Variants in MED1 observed in about 807,000 individuals in gnomAD.
MED1 encodes the protein mediator of RNA polymerase II transcription subunit 1.
MED1 carries 17 observed loss-of-function variants against 121.3 expected under a neutral mutation model. The ratio of observed to expected loss-of-function variants is 0.14; its 90% CI spans 0.10 to 0.21. MED1 has a LOEUF of 0.21. Ranked by LOEUF, MED1 falls within the 10% of genes least tolerant of loss-of-function variation. MED1 has a pLI of 1.00. For synonymous variants in MED1, 661 were observed against 694.4 expected (o/e 0.95, Z 0.76); for missense variants, 1,558 against 1,919.4 (o/e 0.81, Z 3.52).
rs1378111231 is a variant in MED1, at chr17:39,408,302, T to C, written c.3919A>G (p.Ile1307Val). 1 of 1,614,060 alleles carries C rather than the reference T, an allele frequency of 6.2e-7. No homozygotes were observed. Among genetic ancestry groups the C allele is most frequent in the Non-Finnish European group, 8.5e-7 (1 of 1,180,042 alleles). Residue 1307 changes from isoleucine (I) to valine (V), a missense_variant, in exon 17 of 17, where the codon ATA becomes GTA. Physicochemically the swap from Ile to Val is conservative, Grantham distance 29 (BLOSUM62 3). Around this residue, in one of 5 missense-constraint regions of MED1, gnomAD observed 8 missense variants for 28.1 expected, o/e 0.28. Coordinates refer to ENST00000300651, the MANE Select transcript of MED1 (RefSeq NM_004774.4). The surrounding 1 kb of genome is among the most constrained non-coding windows in gnomAD (Gnocchi z 4.7). Reference protein sequence around the residue: ...RNKKPSLTAVIDKLKHGVVTS... With the variant: ...RNKKPSLTAVVDKLKHGVVTS... ...ACAACCCCATGCTTCAGTTTATCTA[T>C]GACAGCTGTCAAGGACGGCTTCTTG...
At chr17:39,423,666 C>G (rs777255704) in intron 12 of MED1, 31 bp downstream of exon 12, 9 of 1,613,468 alleles carry the variant, frequency 5.6e-6, no homozygotes, top group African/African-American at 4.0e-5. Context: ...ACATTTATAA[C>G]AAGTACTAGA....
chr17:39,445,498 C>T (rs2048717829), intron 2 of MED1: 3 of 152,004 alleles, frequency 2.0e-5, no homozygotes, highest in Admixed American at 1.3e-4. Context: ...AGATGTGAAC[C>T]ACCACGCCCA....
In MED1 at chr17:39,406,799, G is replaced by C. The variant is rs150192071; in HGVS notation, c.*676C>G. ...TACCACCATATAAGCCTTGCTCTTC[G>C]GCCTTCCATCATTTTGAACCCTAAA... On this transcript the variant is annotated 3_prime_UTR_variant, in exon 17 of 17. Coordinates refer to ENST00000300651, the MANE Select transcript of MED1 (RefSeq NM_004774.4). 1.0e-6 allele frequency: 1 copy of C among 985,158 alleles called. No individual in the cohort carries two copies. Among genetic ancestry groups the C allele is most frequent in the Non-Finnish European group, 1.2e-6 (1 of 829,894 alleles). The allele number at this position is 985,158 out of a possible 1,614,324, so 61.0% of individuals were successfully genotyped here. A position where few individuals can be genotyped will look rare whatever the true frequency, so the allele number is the denominator to read the frequency against.
In MED1 at chr17:39,441,236, TA is replaced by T. The variant is rs567101203; in HGVS notation, c.212-560del. ...AAAAGGACAAATATATGATTCCACT[TA>T]TATCAGGTATACAGAGTAGTCAAAT... is the stretch of plus-strand genomic sequence containing the variant. On this transcript the variant is annotated intron_variant, in intron 3 of 16. Coordinates refer to ENST00000300651, the MANE Select transcript of MED1 (RefSeq NM_004774.4). 7.7e-4 allele frequency among the ~76,000 whole-genome samples: 118 copies of T among 152,272 alleles called. 1 individual carries two copies. The highest frequency in any genetic ancestry group is 2.7e-3 in the African/African-American group (111 of 41,570).
In MED1 at chr17:39,409,788, T is replaced by A. The variant is rs745828226; in HGVS notation, c.2433A>T (p.Ser811=). The A allele has an allele frequency of 1.2e-6, 2 of 1,614,082 alleles. No individual in the cohort carries two copies. The highest frequency in any genetic ancestry group is 1.3e-5 in the African/African-American group (1 of 74,934). Residue 811 remains serine (S), a synonymous_variant, in exon 17 of 17, where the codon TCA becomes TCT. Transcript: ENST00000300651. ...GGGTACTCTGAGAATGCCCAGAGCT[T>A]GAAGAATCTCGAAGAGGGGTGCCAA... ...PAIGTPLRDS[S]SSGHSQSTLF... is the part of the protein sequence containing the mutation.
At chr17:39,416,786 G>C (rs1037621983) in intron 14 of MED1, among the ~76,000 whole-genome samples, 13 of 152,098 alleles carry the variant, frequency 8.5e-5, no homozygotes, top group African/African-American at 2.9e-4. Context: ...AGGAGCTCAA[G>C]ACTATCCTAT....
intron 14 of MED1, among the ~76,000 whole-genome samples, chr17:39,417,328 T>A (rs2048419626): frequency 7.8e-6 from 1 of 127,924 alleles, no homozygotes; most frequent in African/African-American, 3.3e-5. Context: ...AGACTCCGTC[T>A]CAAAAAAAAA....
intron 1 of MED1, among the ~76,000 whole-genome samples, chr17:39,450,033 C>T (rs1372653423): frequency 6.7e-6 from 1 of 148,306 alleles, no homozygotes; most frequent in South Asian, 2.1e-4. Flanking sequence ...AGGCTGGTCT[C>T]GATCTCCCAA....
chr17:39,423,896 T>C (rs2048490467), intron 11 of MED1, 75 bp from the exon 12 acceptor site: 2 of 1,484,318 alleles, frequency 1.3e-6, no homozygotes, highest in Non-Finnish European at 1.8e-6. Context: ...CCTTTTTTTT[T>C]TTTGAGACAG....
intron 10 of MED1, among the ~76,000 whole-genome samples, chr17:39,426,186 C>G (rs2048513847): frequency 6.6e-6 from 1 of 152,138 alleles, no homozygotes; most frequent in Non-Finnish European, 1.5e-5. Flanking sequence ...AAGGCTCGCA[C>G]CTGTAATCCT....
rs2048306940 is a variant in MED1, at chr17:39,406,798, C to T, written c.*677G>A. 5.1e-6 allele frequency: 5 copies of T among 985,504 alleles called. No individual in the cohort carries two copies. The highest frequency in any genetic ancestry group is 6.0e-6 in the Non-Finnish European group (5 of 829,938). The allele number at this position is 985,504 out of a possible 1,614,324, so 61.0% of individuals were successfully genotyped here. A position where few individuals can be genotyped will look rare whatever the true frequency, so the allele number is the denominator to read the frequency against. On this transcript the variant is annotated 3_prime_UTR_variant, in exon 17 of 17. Transcript: ENST00000300651. ...CTACCACCATATAAGCCTTGCTCTT[C>T]GGCCTTCCATCATTTTGAACCCTAA...
Position 39,407,608 on chromosome 17 carries a change from A to T in MED1, c.4613T>A (p.Ile1538Asn), listed in dbSNP as rs1221047146. The T allele has an allele frequency of 6.2e-7, 1 of 1,613,858 alleles. No individual in the cohort carries two copies. The highest frequency in any genetic ancestry group is 2.2e-5 in the East Asian group (1 of 44,872). Residue 1538 changes from isoleucine to asparagine, a missense_variant, in exon 17 of 17, where the codon ATC becomes AAC. Coordinates refer to ENST00000300651, the MANE Select transcript of MED1 (RefSeq NM_004774.4). ...IKPESWSKSP[I>N]SSDQSLSMTS... ...CATAGACAAGGACTGGTCTGAAGAG[A>T]TGGGTGATTTGGACCAACTCTCTGG... is the stretch of plus-strand genomic sequence containing the variant.
In MED1 at chr17:39,410,292, C is replaced by T. The variant is rs1239214813; in HGVS notation, c.1929G>A (p.Pro643=). The T allele has an allele frequency of 6.8e-6, 11 of 1,613,648 alleles. No homozygotes were observed. The Admixed American group carries it at 1.0e-4, about 15-fold the overall frequency. The change falls in exon 17 of 17, where the codon CCG becomes CCA. Residue 643 remains proline, a synonymous_variant. Transcript: ENST00000300651. ...TATCTTTAAGAAGGTTCATGAGCAT[C>T]GGGTGGTTCTTGGTGTTGCCGGCCA... is the stretch of plus-strand genomic sequence containing the variant. The part of the protein sequence containing the change: ...SSMAGNTKNH[P]MLMNLLKDNP...
chr17:39,407,920 G>A lies in MED1; in HGVS notation c.4301C>T (p.Pro1434Leu). The change falls in exon 17 of 17, where the codon CCA becomes CTA. Residue 1434 changes from proline to leucine, a missense_variant. Coordinates refer to ENST00000300651, the MANE Select transcript of MED1 (RefSeq NM_004774.4). ...QMASSKNYGSPLISGSTPKHE... is the reference protein window; with the variant it reads ...QMASSKNYGSLLISGSTPKHE... ...CTTTGGAGTGGAACCACTGATGAGTGGAGAGCCATAGTTTTTAGAAGAAGC... is the reference window on the plus strand; with the variant it reads ...CTTTGGAGTGGAACCACTGATGAGTAGAGAGCCATAGTTTTTAGAAGAAGC... The A allele has an allele frequency of 6.2e-7, 1 of 1,614,132 alleles. No homozygotes were observed. Among genetic ancestry groups the A allele is most frequent in the Non-Finnish European group, 8.5e-7 (1 of 1,180,038 alleles).
chr17:39,424,879 G>T lies in MED1; in HGVS notation c.740-141C>A, dbSNP rs112906650. ...GTTATTCCCTTATTTATTTATTTAT[G>T]TATTTATTTATTTATTTTGAGACAG... is the stretch of plus-strand genomic sequence containing the variant. On this transcript the variant is annotated intron_variant, in intron 10 of 16. Transcript: ENST00000300651. 1,717 of 580,398 alleles carry T rather than the reference G, an allele frequency of 3.0e-3. 21 individuals are homozygous for T. In the African/African-American group the frequency reaches 0.03, roughly 10 times the overall value. 36.0% of individuals were successfully genotyped at this position (580,398 alleles called of 1,614,324 possible).
intron 3 of MED1, among the ~76,000 whole-genome samples, chr17:39,441,852 C>T (rs1429522522): frequency 2.6e-5 from 4 of 152,260 alleles, no homozygotes; most frequent in East Asian, 3.9e-4. Flanking sequence ...CCTGTAATCC[C>T]AACACTTTGG....
At position 39,409,134 on chromosome 17, in the gene MED1, T is replaced by A; in HGVS notation, c.3087A>T (p.Arg1029Ser). The A allele has an allele frequency of 6.2e-7, 1 of 1,614,146 alleles. No individual in the cohort carries two copies. The highest frequency in any genetic ancestry group is 8.5e-7 in the Non-Finnish European group (1 of 1,180,014). ...CTGTACTGGTAGGTGGGGTAAAAGGTCTGTTAGAAGAACTATGAGATGGAG... is the reference window on the plus strand; with the variant it reads ...CTGTACTGGTAGGTGGGGTAAAAGGACTGTTAGAAGAACTATGAGATGGAG... ...GKSPSHSSSN[R>S]PFTPPTSTGG... Residue 1029 changes from arginine to serine, a missense_variant, in exon 17 of 17, where the codon AGA (arginine) becomes AGT (serine). Physicochemically the swap from Arg to Ser is moderately radical, Grantham distance 110. Coordinates refer to ENST00000300651, the MANE Select transcript of MED1 (RefSeq NM_004774.4).
In MED1 at chr17:39,409,309, C is replaced by G. The variant is rs1366003212; in HGVS notation, c.2912G>C (p.Arg971Thr). 3 of 1,614,100 alleles carry G rather than the reference C, an allele frequency of 1.9e-6. No homozygotes were observed. Among genetic ancestry groups the G allele is most frequent in the South Asian group, 1.1e-5 (1 of 91,082 alleles). ...ACTGGTGCCATTGCCTTCCTTTACC[C>G]TCTTTTGAGTCTTTTCTTTCCCTAA... ...GDLGKEKTQK[R>T]VKEGNGTSNS... The change falls in exon 17 of 17, where the codon AGG (arginine) becomes ACG (threonine). Residue 971 changes from arginine (R) to threonine (T), a missense_variant. Around this residue, in one of 5 missense-constraint regions of MED1, gnomAD observed 793 missense variants for 898.2 expected, o/e 0.88. Coordinates refer to ENST00000300651, the MANE Select transcript of MED1 (RefSeq NM_004774.4).
Position 39,451,077 on chromosome 17 carries a change from G to T in MED1, c.-15C>A, listed in dbSNP as rs575567496. The T allele has an allele frequency of 6.2e-7, 1 of 1,610,582 alleles. No homozygotes were observed. The highest frequency in any genetic ancestry group is 2.2e-5 in the East Asian group (1 of 44,492). The stretch of plus-strand genomic sequence containing the variant: ...TGAGCTTTCATCCTGAAGGCGAGGA[G>T]AAGCTAGATCCGCCACAAAAGGATA... On this transcript the variant is annotated 5_prime_UTR_variant, in exon 1 of 17. Coordinates refer to ENST00000300651, the MANE Select transcript of MED1 (RefSeq NM_004774.4).
Sources: allele counts gnomAD v4.1 joint callset (sites outside exome capture counted in the v4.1 genomes callset), GRCh38; gene constraint gnomAD v4.1.1; regional missense constraint gnomAD v4.1.1; non-coding constraint Gnocchi (gnomAD v3.1); transcripts MANE v1.5; gene names NCBI Gene and HGNC (gene_info 2026-07-23, HGNC 2026-07-21).